Variants in INPP5A observed in about 807,000 individuals in gnomAD.
The protein encoded by INPP5A is 43 kDa inositol polyphosphate 5-phophatase.
Under a neutral mutation model 65.2 loss-of-function variants are expected in INPP5A, and 14 were observed. The ratio of observed to expected loss-of-function variants is 0.21; its 90% CI spans 0.14 to 0.34. The LOEUF is 0.34. INPP5A is among the 10% of genes least tolerant of loss of function. INPP5A has a pLI of 1.00. For missense variants in INPP5A, 431 were observed against 545.6 expected (o/e 0.79, Z 2.09); for synonymous variants, 207 against 208.3 (o/e 0.99, Z 0.05).
At chr10:132,754,715 G>A (rs1409754906) in intron 11 of INPP5A, among the ~76,000 whole-genome samples, 2 of 152,246 alleles carry the variant, frequency 1.3e-5, no homozygotes, top group African/African-American at 2.4e-5. Flanking sequence ...GCAGGATGCC[G>A]GCCGAGGAAT....
intron 9 of INPP5A, among the ~76,000 whole-genome samples, chr10:132,737,809 G>T (rs1050954052): frequency 2.0e-5 from 3 of 152,208 alleles, no homozygotes; most frequent in African/African-American, 7.2e-5. Flanking sequence ...TTTCTGTTTA[G>T]AAAGAGATTT....
Position 132,710,469 on chromosome 10 carries a change from G to A in INPP5A, c.647+13G>A, listed in dbSNP as rs375460215. The stretch of plus-strand genomic sequence containing the variant: ...ACGTGCTGGACAGGTAGGTGTGGGC[G>A]GGCAGGTAGGCGTGGGCCGGGCAAG... On this transcript the variant is annotated intron_variant, in intron 8 of 15. Coordinates refer to ENST00000368594, the MANE Select transcript of INPP5A (RefSeq NM_005539.5). 3.2e-5 allele frequency: 51 copies of A among 1,611,370 alleles called. No homozygotes were observed. The highest frequency in any genetic ancestry group is 1.1e-4 in the East Asian group (5 of 44,832).
rs773970361 is a variant in INPP5A, at chr10:132,650,454, C to T, written c.255C>T (p.Asn85=). The T allele has an allele frequency of 5.1e-5, 83 of 1,613,762 alleles. No homozygotes were observed. The highest frequency in any genetic ancestry group is 6.6e-5 in the Non-Finnish European group (78 of 1,179,820). Residue 85 remains asparagine, a synonymous_variant, in exon 4 of 16, where the codon AAC becomes AAT. Coordinates refer to ENST00000368594, the MANE Select transcript of INPP5A (RefSeq NM_005539.5). This position sits in a 1 kb window ranked among gnomAD's most constrained non-coding sequence, Gnocchi z 5.5. The part of the protein sequence containing the change: ...LLSSDAMKEY[N]RARVYLDENY... The stretch of plus-strand genomic sequence containing the variant: ...CGAGTGATGCGATGAAAGAATATAA[C>T]AGGGCTCGAGTCTACCTGGATGAAA...
chr10:132,716,170 T>G (rs1159096174), intron 8 of INPP5A, among the ~76,000 whole-genome samples: 1 of 152,216 alleles, frequency 6.6e-6, no homozygotes, highest in Non-Finnish European at 1.5e-5. Context: ...CTGCACGTTC[T>G]CCGCATGTTT....
rs12770291 is a variant in INPP5A, at chr10:132,772,896, A to G, written c.978-4775A>G. Among the ~76,000 whole-genome samples the G allele has an allele frequency of 4.3e-3, 423 of 97,412 alleles. 23 individuals are homozygous for G. The highest frequency in any genetic ancestry group is 0.012 in the African/African-American group (362 of 30,702). The allele number at this position is 97,412 out of a possible 152,430, so 63.9% of individuals were successfully genotyped here. A position where few individuals can be genotyped will look rare whatever the true frequency, so the allele number is the denominator to read the frequency against. Reference sequence around the variant, plus strand: ...ACACGGAGGCCACGGCAGCCGCCCCACGAAGAGTGGGACGGACACTCAGCA... The same window carrying G: ...ACACGGAGGCCACGGCAGCCGCCCCGCGAAGAGTGGGACGGACACTCAGCA... On this transcript the variant is annotated intron_variant, in intron 12 of 15. Transcript: ENST00000368594.
Position 132,580,928 on chromosome 10 carries a change from A to G in INPP5A, c.76-26987A>G, listed in dbSNP as rs77855686. ...AAAAATTATACACAGCAAAATATAC[A>G]GATCCTAAGTACACATTTGCTGAGT... is the stretch of plus-strand genomic sequence containing the variant. On this transcript the variant is annotated intron_variant, in intron 1 of 15. Coordinates refer to ENST00000368594, the MANE Select transcript of INPP5A (RefSeq NM_005539.5). 7.5e-4 allele frequency among the ~76,000 whole-genome samples: 114 copies of G among 152,376 alleles called. 2 individuals carry two copies. The East Asian group carries it at 0.021, about 28-fold the overall frequency.
At chr10:132,624,439 C>CG (rs898914503) in intron 2 of INPP5A, among the ~76,000 whole-genome samples, 1 of 150,930 alleles carries the variant, frequency 6.6e-6, no homozygotes, top group African/African-American at 2.5e-5. Flanking sequence ...CACCTCACAC[C>CG]GGCACGTGCA....
At chr10:132,557,606 T>C (rs2071143882) in intron 1 of INPP5A, among the ~76,000 whole-genome samples, 1 of 152,230 alleles carries the variant, frequency 6.6e-6, no homozygotes, top group African/African-American at 2.4e-5. Context: ...CAGAGGGTCA[T>C]TGAGTGCTGG....
At chr10:132,588,239 G>A (rs558194812) in intron 1 of INPP5A, among the ~76,000 whole-genome samples, 2 of 152,314 alleles carry the variant, frequency 1.3e-5, no homozygotes, top group South Asian at 2.1e-4. Context: ...CTGTTCCTCT[G>A]TGTCCCCGTT....
chr10:132,724,757 C>T (rs1242874493), intron 8 of INPP5A, among the ~76,000 whole-genome samples: 1 of 146,564 alleles, frequency 6.8e-6, no homozygotes, highest in Non-Finnish European at 1.5e-5. Flanking sequence ...ATGACAGGTG[C>T]ACATGCCATA....
At chr10:132,693,722 A>T (rs560801475) in intron 5 of INPP5A, among the ~76,000 whole-genome samples, 33 of 152,358 alleles carry the variant, frequency 2.2e-4, no homozygotes, top group African/African-American at 7.9e-4. Context: ...CAAATTATTC[A>T]TGTCAGAAAT....
At position 132,607,452 on chromosome 10, in the gene INPP5A, G is replaced by A. The variant is rs561502197; in HGVS notation, c.76-463G>A. Among the ~76,000 whole-genome samples, 53 of 152,346 alleles carry A rather than the reference G, an allele frequency of 3.5e-4. 3 individuals carry two copies. The South Asian group carries it at 0.011, about 30-fold the overall frequency. Reference sequence around the variant, plus strand: ...CCAAACACACAGAAATGCCATATGCGACCATGATGTTTTGTACTCCACAAA... The same window carrying A: ...CCAAACACACAGAAATGCCATATGCAACCATGATGTTTTGTACTCCACAAA... On this transcript the variant is annotated intron_variant, in intron 1 of 15. Transcript: ENST00000368594.
intron 1 of INPP5A, among the ~76,000 whole-genome samples, chr10:132,579,575 C>T (rs577752293): frequency 5.9e-5 from 9 of 152,242 alleles, no homozygotes; most frequent in African/African-American, 1.9e-4. Flanking sequence ...GAAGGGTGAG[C>T]TCCATTCTCC....
At chr10:132,621,640 A>C (rs981342983) in intron 2 of INPP5A, among the ~76,000 whole-genome samples, 6 of 152,210 alleles carry the variant, frequency 3.9e-5, no homozygotes, top group Non-Finnish European at 5.9e-5. Context: ...CTTATGCCTT[A>C]GTCTGGCTCA....
intron 9 of INPP5A, among the ~76,000 whole-genome samples, chr10:132,728,366 C>T (rs903040904): frequency 3.9e-5 from 6 of 152,226 alleles, no homozygotes; most frequent in African/African-American, 9.6e-5. Context: ...CCCACAGGCT[C>T]GGTGAGGGCT....
At chr10:132,695,218 C>T (rs1845326862) in intron 5 of INPP5A, among the ~76,000 whole-genome samples, 1 of 151,950 alleles carries the variant, frequency 6.6e-6, no homozygotes, top group African/African-American at 2.4e-5. Context: ...TGTAATCCAT[C>T]ACAGCAGCAG....
Position 132,545,415 on chromosome 10 carries a change from C to T in INPP5A, c.75+7244C>T, listed in dbSNP as rs1363779557. 6.6e-6 allele frequency among the ~76,000 whole-genome samples: 1 copy of T among 152,156 alleles called. No homozygotes were observed. The highest frequency in any genetic ancestry group is 1.5e-5 in the Non-Finnish European group (1 of 68,016). ...CGGCAGGTCTCTCTGAGCTGTGGGG[C>T]TCACGGAGGGACAGCCTCCAGGAAG... On this transcript the variant is annotated intron_variant, in intron 1 of 15. Coordinates refer to ENST00000368594, the MANE Select transcript of INPP5A (RefSeq NM_005539.5). The surrounding 1 kb of genome is among the most constrained non-coding windows in gnomAD (Gnocchi z 4.6).
chr10:132,584,425 C>G (rs944330365), intron 1 of INPP5A, among the ~76,000 whole-genome samples: 2 of 152,090 alleles, frequency 1.3e-5, no homozygotes, highest in Non-Finnish European at 2.9e-5. Flanking sequence ...TAAAAGTTTT[C>G]TATTCATTAT....
At chr10:132,632,375 G>A (rs1041874496) in intron 2 of INPP5A, among the ~76,000 whole-genome samples, 2 of 152,210 alleles carry the variant, frequency 1.3e-5, no homozygotes, top group African/African-American at 2.4e-5. Context: ...ACGGGCCAAC[G>A]CCTGTGGTGT....
Sources: allele counts gnomAD v4.1 joint callset (sites outside exome capture counted in the v4.1 genomes callset), GRCh38; gene constraint gnomAD v4.1.1; non-coding constraint Gnocchi (gnomAD v3.1); transcripts MANE v1.5; gene names NCBI Gene and HGNC (gene_info 2026-07-23, HGNC 2026-07-21).